The following DLGAP1 variants were observed in gnomAD, a reference collection of about 807,000 sequenced individuals.
DLGAP1 encodes the protein DLG associated protein 1.
A neutral mutation model predicts 90.8 loss-of-function variants in DLGAP1; 11 were observed. That is an observed-to-expected ratio of 0.12 (90% CI 0.08 to 0.20). The LOEUF is 0.20. DLGAP1 is among the 10% of genes least tolerant of loss of function. The probability of loss-of-function intolerance (pLI) is 1.00; values close to 1 mark genes in which losing one functional copy is unlikely to be tolerated. For missense variants in DLGAP1, 1,050 were observed against 1,333.8 expected (o/e 0.79, Z 3.31); for synonymous variants, 558 against 540.7 (o/e 1.03, Z -0.44).
At chr18:4,356,676 T>C (rs987385399) in intron 1 of DLGAP1, among the ~76,000 whole-genome samples, 2 of 152,182 alleles carry the variant, frequency 1.3e-5, no homozygotes, top group East Asian at 1.9e-4. Flanking sequence ...TGAAATAGTT[T>C]TCTATGTTGC....
chr18:4,322,837 T>G (rs2080724645), intron 1 of DLGAP1, among the ~76,000 whole-genome samples: 1 of 150,098 alleles, frequency 6.7e-6, no homozygotes, highest in African/African-American at 2.5e-5. Context: ...GGCGGGCGCC[T>G]GTAGTCCCAG....
chr18:4,391,250 C>T (rs898500736), intron 1 of DLGAP1, among the ~76,000 whole-genome samples: 1 of 152,176 alleles, frequency 6.6e-6, no homozygotes, highest in African/African-American at 2.4e-5. Context: ...GGAAACTCAA[C>T]CGGGTCACTT....
chr18:4,218,006 T>A (rs1279584312), intron 1 of DLGAP1, among the ~76,000 whole-genome samples: 2 of 149,762 alleles, frequency 1.3e-5, no homozygotes, highest in East Asian at 3.8e-4. Flanking sequence ...CATGTACGTT[T>A]TTCCCTCTTA....
At position 3,727,004 on chromosome 18, in the gene DLGAP1, A is replaced by C. The variant is rs2062208336; in HGVS notation, c.1591+2131T>G. ...TAGATTCAACTTAGATTAAAAATGG[A>C]ACAACATGAGACACCCTCCCAGGGC... On this transcript the variant is annotated intron_variant, in intron 7 of 12. Coordinates refer to ENST00000315677, the MANE Select transcript of DLGAP1 (RefSeq NM_004746.4). This position sits in a 1 kb window ranked among gnomAD's most constrained non-coding sequence, Gnocchi z 4.7. Among the ~76,000 whole-genome samples, 1 of 152,238 alleles carries C rather than the reference A, an allele frequency of 6.6e-6. No individual in the cohort carries two copies. The highest frequency in any genetic ancestry group is 2.4e-5 in the African/African-American group (1 of 41,464).
At chr18:4,345,750 G>A (rs558145279) in intron 1 of DLGAP1, among the ~76,000 whole-genome samples, 50 of 152,282 alleles carry the variant, frequency 3.3e-4, no homozygotes, top group African/African-American at 1.2e-3. Flanking sequence ...GCCTTTTTGT[G>A]CTAGCCTACT....
intron 2 of DLGAP1, among the ~76,000 whole-genome samples, chr18:4,136,786 T>TG (rs1309617035): frequency 6.6e-6 from 1 of 152,188 alleles, no homozygotes; most frequent in Non-Finnish European, 1.5e-5. Flanking sequence ...CCTGTATTTG[T>TG]GGCATATTAC....
At chr18:3,735,273 G>A (rs920615711) in intron 6 of DLGAP1, among the ~76,000 whole-genome samples, 1 of 152,218 alleles carries the variant, frequency 6.6e-6, no homozygotes, top group Non-Finnish European at 1.5e-5. Flanking sequence ...AGGCTGGAGT[G>A]CAGTGGCACG....
chr18:3,870,605 C>CATCT (rs67573915), intron 4 of DLGAP1, among the ~76,000 whole-genome samples: 30,437 of 148,072 alleles, frequency 0.21, 3,070 homozygotes, highest in Middle Eastern at 0.24. Context: ...TACATAAATA[C>CATCT]ATCTATCTAT....
At chr18:3,519,383 C>G (rs572802487) in intron 10 of DLGAP1, among the ~76,000 whole-genome samples, 1 of 152,332 alleles carries the variant, frequency 6.6e-6, no homozygotes, top group East Asian at 1.9e-4. Context: ...TGATCCTTCA[C>G]TGCTGCCCGT....
chr18:3,788,621 A>T (rs2065572310), intron 5 of DLGAP1, among the ~76,000 whole-genome samples: 1 of 152,192 alleles, frequency 6.6e-6, no homozygotes, highest in Admixed American at 6.5e-5. Context: ...CAAGGTCATT[A>T]CACGTTGGCA....
intron 5 of DLGAP1, among the ~76,000 whole-genome samples, chr18:3,789,149 T>G (rs770038417): frequency 1.3e-5 from 2 of 152,220 alleles, no homozygotes; most frequent in Non-Finnish European, 2.9e-5. Context: ...GAGAGACACA[T>G]GTAGACGAAC....
chr18:4,046,358 G>A (rs2075054134), intron 2 of DLGAP1, among the ~76,000 whole-genome samples: 1 of 152,256 alleles, frequency 6.6e-6, no homozygotes, highest in Admixed American at 6.5e-5. Flanking sequence ...ATCATTTGGG[G>A]TGAGTATGGT....
chr18:3,917,102 A>C (rs2072161986), intron 3 of DLGAP1, among the ~76,000 whole-genome samples: 3 of 152,262 alleles, frequency 2.0e-5, no homozygotes, highest in Non-Finnish European at 4.4e-5. Context: ...GCTGTGGGCT[A>C]ATGTAAATGG....
chr18:4,442,726 C>G (rs1277532380), intron 1 of DLGAP1, among the ~76,000 whole-genome samples: 1 of 152,204 alleles, frequency 6.6e-6, no homozygotes, highest in Admixed American at 6.5e-5. Flanking sequence ...TACCAGGAAT[C>G]TATCAGAGCA....
chr18:4,191,124 T>C (rs1261158513), intron 1 of DLGAP1, among the ~76,000 whole-genome samples: 1 of 152,186 alleles, frequency 6.6e-6, no homozygotes, highest in Non-Finnish European at 1.5e-5. Context: ...TTTTTTCCTT[T>C]AAACAATCAT....
intron 1 of DLGAP1, among the ~76,000 whole-genome samples, chr18:4,204,879 T>C (rs1598616067): frequency 4.1e-5 from 1 of 24,130 alleles, no homozygotes; most frequent in South Asian, 1.2e-3. Flanking sequence ...TTTTCCCAAT[T>C]TTTTTTTTTT....
chr18:3,718,626 G>T (rs1316670655), intron 7 of DLGAP1, among the ~76,000 whole-genome samples: 3 of 151,876 alleles, frequency 2.0e-5, no homozygotes, highest in Non-Finnish European at 2.9e-5. Context: ...AGTAGCCACA[G>T]AAATAATGAC....
chr18:3,891,146 T>C (rs1279354212), intron 3 of DLGAP1, among the ~76,000 whole-genome samples: 1 of 152,220 alleles, frequency 6.6e-6, no homozygotes, highest in Non-Finnish European at 1.5e-5. Flanking sequence ...TTTCCTGCCC[T>C]CTGATGGTTC....
intron 1 of DLGAP1, among the ~76,000 whole-genome samples, chr18:4,283,900 A>T (rs1389064148): frequency 6.6e-6 from 1 of 152,180 alleles, no homozygotes; most frequent in African/African-American, 2.4e-5. Context: ...CATCCAAGAA[A>T]TCCAAGGCTC....
Sources: gnomAD v4.1 joint callset for allele counts (sites outside exome capture counted in the v4.1 genomes callset) on GRCh38, gnomAD v4.1.1 for gene constraint, Gnocchi (gnomAD v3.1) non-coding constraint, MANE v1.5 for transcripts, NCBI Gene and HGNC (gene_info 2026-07-23, HGNC 2026-07-21) for gene names.